The following KIF9 variants were observed in gnomAD, a reference collection of about 807,000 sequenced individuals.
The protein encoded by KIF9 is kinesin family member 9, also known as kinesin-like protein KIF9.
Under a neutral mutation model 94.8 loss-of-function variants are expected in KIF9, and 68 were observed. The ratio of observed to expected loss-of-function variants is 0.72; its 90% CI spans 0.59 to 0.88. The LOEUF (loss-of-function observed/expected upper bound fraction) is 0.88. Ranked by LOEUF, KIF9 falls within the 40% of genes least tolerant of loss-of-function variation. The pLI, the probability that KIF9 is intolerant of heterozygous loss-of-function variation, is 0.00. For missense variants in KIF9, 882 were observed against 982.5 expected, an observed-to-expected ratio of 0.90 and a Z score of 1.37; for synonymous variants, 343 against 362.1, an observed-to-expected ratio of 0.95 and a Z score of 0.60.
chr3:47,271,163 GAAAAA>G (rs1701622503), intron 5 of KIF9, 69 bp downstream of exon 5: 1 of 1,080,104 alleles, frequency 9.3e-7, no homozygotes, highest in South Asian at 1.4e-5. Flanking sequence ...AAAAGAAAAA[GAAAAA>G]GAAAAGCTGA....
At chr3:47,248,670 G>A (rs953884873) in intron 10 of KIF9, among the ~76,000 whole-genome samples, 18 of 151,780 alleles carry the variant, frequency 1.2e-4, no homozygotes, top group East Asian at 1.2e-3. Context: ...CTCGAACTCC[G>A]GACCTCAGGT....
At chr3:47,274,383 C>T (rs1216595671) in intron 3 of KIF9, among the ~76,000 whole-genome samples, 1 of 152,210 alleles carries the variant, frequency 6.6e-6, no homozygotes, top group Non-Finnish European at 1.5e-5. Flanking sequence ...TGTTCTTCCC[C>T]TTAGCATGGG....
intron 2 of KIF9, 111 bp downstream of exon 2, chr3:47,277,171 T>A: frequency 1.4e-6 from 1 of 692,358 alleles, no homozygotes; most frequent in South Asian, 2.0e-5. Flanking sequence ...GTCCATTGGA[T>A]CCTGTCCAAT....
chr3:47,256,461 C>T (rs573215241), intron 10 of KIF9, among the ~76,000 whole-genome samples: 193 of 150,896 alleles, frequency 1.3e-3, no homozygotes, highest in Non-Finnish European at 8.4e-4. Context: ...CCACCCCGTC[C>T]GGGAGGGAGG....
intron 1 of KIF9, 44 bp downstream of exon 1, chr3:47,282,451 T>C (rs1264876148): frequency 9.1e-6 from 9 of 986,056 alleles, no homozygotes; most frequent in Non-Finnish European, 1.1e-5. Flanking sequence ...GCGCACACCC[T>C]TTTCCCGTCT....
chr3:47,270,544 T>C (rs1026911738), intron 5 of KIF9, among the ~76,000 whole-genome samples: 3 of 152,064 alleles, frequency 2.0e-5, no homozygotes, highest in Admixed American at 6.6e-5. Flanking sequence ...CATCACCCAC[T>C]GCACCCGGCC....
intron 5 of KIF9, among the ~76,000 whole-genome samples, chr3:47,270,179 C>T (rs1701552674): frequency 1.3e-5 from 2 of 152,008 alleles, no homozygotes. Flanking sequence ...GCTGGGATTA[C>T]AGGCATGAGC....
At chr3:47,258,860 T>C (rs542635362) in intron 9 of KIF9, among the ~76,000 whole-genome samples, 2 of 152,326 alleles carry the variant, frequency 1.3e-5, no homozygotes, top group Admixed American at 1.3e-4. Flanking sequence ...ATACACCTTC[T>C]TTTTTGGTGC....
chr3:47,236,950 G>A (rs573868447), intron 17 of KIF9, among the ~76,000 whole-genome samples: 2 of 152,334 alleles, frequency 1.3e-5, no homozygotes, highest in South Asian at 2.1e-4. Context: ...AGCACCCCTA[G>A]TATACAAATG....
At chr3:47,278,933 T>C (rs943390149) in intron 1 of KIF9, among the ~76,000 whole-genome samples, 15 of 151,378 alleles carry the variant, frequency 9.9e-5, no homozygotes, top group Admixed American at 6.6e-4. Context: ...GATCGCGCCA[T>C]TGCACTTCAG....
chr3:47,267,373 G>C (rs559753314), intron 5 of KIF9, 110 bp from the exon 6 acceptor site: 8 of 793,286 alleles, frequency 1.0e-5, no homozygotes, highest in Middle Eastern at 3.4e-4. Context: ...ATATCACTGC[G>C]ATCAGCTGGG....
chr3:47,253,103 G>A (rs570330111), intron 10 of KIF9, among the ~76,000 whole-genome samples: 6 of 152,172 alleles, frequency 3.9e-5, no homozygotes, highest in South Asian at 2.1e-4. Context: ...TGGGCAAACC[G>A]CCCCAAAATG....
In KIF9 at chr3:47,282,794, G is replaced by T; in HGVS notation, c.-305C>A. On this transcript the variant is annotated 5_prime_UTR_variant, in exon 1 of 21. The change creates a new upstream start codon in the 5' untranslated region. Coordinates refer to ENST00000684063, the MANE Select transcript of KIF9 (RefSeq NM_182902.4). ...GGGAACGAAGGCCGCACATGAACCA[G>T]GAAGCGGAGTGGCGGGGCTTCCGGC... The T allele has an allele frequency of 7.0e-7, 1 of 1,433,472 alleles. No homozygotes were observed. The highest frequency in any genetic ancestry group is 9.1e-7 in the Non-Finnish European group (1 of 1,097,692). 88.8% of individuals were successfully genotyped at this position (1,433,472 alleles called of 1,614,324 possible).
rs149892795 is a variant in KIF9 at position 47,276,142 on chromosome 3, G to A, written c.94-652C>T. On this transcript the variant is annotated intron_variant, in intron 2 of 20. Transcript: ENST00000684063. ...CTTAGGGACATACTGGGTAAGGTCA[G>A]TGGTAGATTCCAATCTTCTTGATGA... is the stretch of plus-strand genomic sequence containing the variant. Among the ~76,000 whole-genome samples the A allele has an allele frequency of 4.2e-3, 635 of 152,332 alleles. 4 individuals carry two copies. The highest frequency in any genetic ancestry group is 7.0e-3 in the Non-Finnish European group (476 of 68,034).
chr3:47,249,116 C>A (rs1700109068), intron 10 of KIF9, among the ~76,000 whole-genome samples: 1 of 151,658 alleles, frequency 6.6e-6, no homozygotes, highest in South Asian at 2.1e-4. Flanking sequence ...CATGTCACCA[C>A]TCCCCAATAA....
intron 9 of KIF9, among the ~76,000 whole-genome samples, chr3:47,257,999 C>T (rs1009130930): frequency 9.2e-5 from 14 of 152,114 alleles, no homozygotes; most frequent in African/African-American, 2.7e-4. Context: ...TCACATGAAA[C>T]GTTTCTGCCC....
At chr3:47,238,761 AC>A (rs988112355) in intron 17 of KIF9, among the ~76,000 whole-genome samples, 40 of 152,086 alleles carry the variant, frequency 2.6e-4, no homozygotes, top group Admixed American at 5.9e-4. Flanking sequence ...CCCGGGTTTT[AC>A]ACCATTCTCC....
At chr3:47,263,374 T>A (rs1401401202) in intron 9 of KIF9, among the ~76,000 whole-genome samples, 1 of 151,980 alleles carries the variant, frequency 6.6e-6, no homozygotes, top group Non-Finnish European at 1.5e-5. Context: ...ACTTGGATAA[T>A]CTCCCTGACT....
chr3:47,239,780 AC>A (rs1699328415), intron 17 of KIF9: 2 of 1,359,102 alleles, frequency 1.5e-6, no homozygotes, highest in Non-Finnish European at 2.0e-6. Flanking sequence ...AGTAAAATGC[AC>A]CCCCTGTGAG....
Sources: gnomAD v4.1 joint callset for allele counts (sites outside exome capture counted in the v4.1 genomes callset) on GRCh38, gnomAD v4.1.1 for gene constraint, MANE v1.5 for transcripts, NCBI Gene and HGNC (gene_info 2026-07-23, HGNC 2026-07-21) for gene names.